Variants in CSMD1 observed in about 807,000 individuals in gnomAD.
CSMD1 encodes CUB and sushi domain-containing protein 1.
In CSMD1, 213 loss-of-function variants were observed where a neutral mutation model predicts 417.5. That is an observed-to-expected ratio of 0.51 (90% CI 0.46 to 0.57). CSMD1 has a LOEUF of 0.57. Ranked by LOEUF, CSMD1 falls within the 20% of genes least tolerant of loss-of-function variation. The probability of loss-of-function intolerance (pLI) is 0.00; values close to 1 mark genes in which losing one functional copy is unlikely to be tolerated. For synonymous variants in CSMD1, 2,862 were observed against 1,736.8 expected, an observed-to-expected ratio of 1.65 and a Z score of -16.11; for missense variants, 6,923 against 4,529.7, an observed-to-expected ratio of 1.53 and a Z score of -15.17.
At chr8:4,939,713 CA>C (rs1807854504) in intron 1 of CSMD1, among the ~76,000 whole-genome samples, 1 of 152,136 alleles carries the variant, frequency 6.6e-6, no homozygotes, top group Admixed American at 6.5e-5. Flanking sequence ...GGAATAATTT[CA>C]AGTGATCTAT....
chr8:3,933,518 T>C (rs1012232803), intron 5 of CSMD1, among the ~76,000 whole-genome samples: 7 of 152,226 alleles, frequency 4.6e-5, no homozygotes, highest in African/African-American at 1.7e-4. Context: ...AAGACCACAG[T>C]CTGCAGGCCT....
intron 8 of CSMD1, among the ~76,000 whole-genome samples, chr8:3,588,651 T>C (rs1267710641): frequency 6.6e-6 from 1 of 152,062 alleles, no homozygotes; most frequent in African/African-American, 2.4e-5. Context: ...CAGTAGCAAA[T>C]TGTATTCTGT....
intron 25 of CSMD1, among the ~76,000 whole-genome samples, chr8:3,291,316 C>A (rs1803541522): frequency 1.3e-5 from 2 of 151,496 alleles, no homozygotes; most frequent in Non-Finnish European, 2.9e-5. Flanking sequence ...TCAGGCTTTG[C>A]TTTCAGGGTG....
chr8:4,459,332 C>G (rs1339227124), intron 2 of CSMD1, among the ~76,000 whole-genome samples: 1 of 152,180 alleles, frequency 6.6e-6, no homozygotes, highest in African/African-American at 2.4e-5. Flanking sequence ...CAGGAGCAAA[C>G]CAAGACAATC....
chr8:3,817,760 G>A (rs1344755116), intron 5 of CSMD1, among the ~76,000 whole-genome samples: 3 of 152,072 alleles, frequency 2.0e-5, no homozygotes, highest in African/African-American at 7.2e-5. Context: ...AGAAACAGAG[G>A]TCTTCCAAAA....
Position 3,933,005 on chromosome 8 carries a change from C to T in CSMD1, c.818+64898G>A, listed in dbSNP as rs567846289. ...CCTGAAAAACTTTTTAAATGTTTAA[C>T]ATTATAGAACAAGTGAAATGTATGA... On this transcript the variant is annotated intron_variant, in intron 5 of 69. Coordinates refer to ENST00000635120, the MANE Select transcript of CSMD1 (RefSeq NM_033225.6). 8.3e-4 allele frequency among the ~76,000 whole-genome samples: 121 copies of T among 145,272 alleles called. 9 individuals are homozygous for T. Among genetic ancestry groups the T allele is most frequent in the Middle Eastern group, 3.5e-3 (1 of 286 alleles).
chr8:3,286,921 T>G (rs1803204555), intron 25 of CSMD1, among the ~76,000 whole-genome samples: 1 of 152,194 alleles, frequency 6.6e-6, no homozygotes, highest in African/African-American at 2.4e-5. Context: ...TGAATGGTAT[T>G]GCTTAGGTTT....
At chr8:3,824,333 C>T (rs988283983) in intron 5 of CSMD1, among the ~76,000 whole-genome samples, 2 of 152,220 alleles carry the variant, frequency 1.3e-5, no homozygotes, top group South Asian at 2.1e-4. Context: ...TGAGAGGTTG[C>T]CAGATACTAT....
intron 3 of CSMD1, among the ~76,000 whole-genome samples, chr8:4,252,891 C>T (rs571410504): frequency 1.6e-4 from 25 of 152,188 alleles, no homozygotes; most frequent in Non-Finnish European, 2.8e-4. Flanking sequence ...ATTTCAGGTG[C>T]CTTGTTCATG....
rs1208803375 is a variant in CSMD1, at chr8:4,374,972, G to GA, written c.415+44980_415+44981insT. 8.5e-4 allele frequency among the ~76,000 whole-genome samples: 112 copies of GA among 132,032 alleles called. 4 individuals carry two copies. Among genetic ancestry groups the GA allele is most frequent in the South Asian group, 8.0e-3 (27 of 3,358 alleles). The allele number at this position is 132,032 out of a possible 152,430, so 86.6% of individuals were successfully genotyped here. A position where few individuals can be genotyped will look rare whatever the true frequency, so the allele number is the denominator to read the frequency against. ...AGACAAAGGTGGGGTGGGGGGGGGG[G>GA]GCGATAGTGGGGGTACGGGCAAGGA... On this transcript the variant is annotated intron_variant, in intron 3 of 69. Coordinates refer to ENST00000635120, the MANE Select transcript of CSMD1 (RefSeq NM_033225.6).
chr8:3,180,208 G>A (rs748334596), intron 37 of CSMD1, among the ~76,000 whole-genome samples: 21 of 152,072 alleles, frequency 1.4e-4, no homozygotes, highest in South Asian at 4.1e-4. Context: ...ATAATCAAAC[G>A]CCAAAAAAGA....
intron 62 of CSMD1, among the ~76,000 whole-genome samples, chr8:2,958,190 A>C (rs993016998): frequency 2.0e-5 from 3 of 152,164 alleles, no homozygotes; most frequent in Non-Finnish European, 4.4e-5. Context: ...TAGCATTCCA[A>C]GGGGATTGGT....
intron 12 of CSMD1, among the ~76,000 whole-genome samples, chr8:3,462,006 C>T (rs956177229): frequency 1.1e-4 from 17 of 152,068 alleles, no homozygotes; most frequent in African/African-American, 3.9e-4. Context: ...TCCTAGGAAA[C>T]GAGGCCAGTC....
At chr8:3,989,139 C>T (rs921447861) in intron 5 of CSMD1, among the ~76,000 whole-genome samples, 3 of 152,160 alleles carry the variant, frequency 2.0e-5, no homozygotes, top group East Asian at 1.9e-4. Flanking sequence ...GTGGGGCGGG[C>T]ATTTTGCTAA....
At chr8:3,957,758 A>G (rs1452634243) in intron 5 of CSMD1, among the ~76,000 whole-genome samples, 1 of 152,100 alleles carries the variant, frequency 6.6e-6, no homozygotes, top group Non-Finnish European at 1.5e-5. Flanking sequence ...AAAGAAAAGT[A>G]TGAATATCTA....
intron 3 of CSMD1, among the ~76,000 whole-genome samples, chr8:4,257,862 G>A (rs1349583022): frequency 1.3e-5 from 2 of 152,188 alleles, no homozygotes; most frequent in Non-Finnish European, 2.9e-5. Flanking sequence ...TTCAGCTACA[G>A]CGTACTGATT....
chr8:4,672,127 A>G (rs1299923014), intron 1 of CSMD1, among the ~76,000 whole-genome samples: 1 of 152,138 alleles, frequency 6.6e-6, no homozygotes, highest in Non-Finnish European at 1.5e-5. Context: ...TGATCTTCCC[A>G]TTGCATGAGG....
At chr8:4,312,572 G>A (rs1443363434) in intron 3 of CSMD1, among the ~76,000 whole-genome samples, 3 of 151,618 alleles carry the variant, frequency 2.0e-5, no homozygotes, top group African/African-American at 2.4e-5. Context: ...CTATTTATGA[G>A]CAACAGATGT....
At chr8:4,736,523 C>T (rs1263607575) in intron 1 of CSMD1, among the ~76,000 whole-genome samples, 1 of 152,110 alleles carries the variant, frequency 6.6e-6, no homozygotes, top group Non-Finnish European at 1.5e-5. Flanking sequence ...ACACTGCGGC[C>T]ATGACAGCAT....
Sources: gnomAD v4.1 joint callset for allele counts (sites outside exome capture counted in the v4.1 genomes callset) on GRCh38, gnomAD v4.1.1 for gene constraint, MANE v1.5 for transcripts, NCBI Gene and HGNC (gene_info 2026-07-23, HGNC 2026-07-21) for gene names.